Variants in SEC61A1 observed in about 807,000 individuals in gnomAD.
SEC61A1 encodes the protein protein transport protein Sec61 subunit alpha isoform 1.
In SEC61A1, 15 loss-of-function variants were observed where a neutral mutation model predicts 55.2. The ratio of observed to expected loss-of-function variants is 0.27; its 90% CI spans 0.18 to 0.42. SEC61A1 has a LOEUF of 0.42. Ranked by LOEUF, SEC61A1 falls within the 10% of genes least tolerant of loss-of-function variation. SEC61A1 has a pLI of 1.00. For synonymous variants in SEC61A1, 247 were observed against 234.0 expected (o/e 1.06, Z -0.51); for missense variants, 284 against 602.6 (o/e 0.47, Z 5.53).
At chr3:128,055,871 G>T in intron 4 of SEC61A1, 120 bp downstream of exon 4, 2 of 793,578 alleles carry the variant, frequency 2.5e-6, no homozygotes, top group Non-Finnish European at 4.2e-6. Flanking sequence ...ATAGAGTGAA[G>T]AATGTTAAAG....
chr3:128,068,068 T>G lies in SEC61A1; in HGVS notation c.1244+9T>G, dbSNP rs1942038835. 6.2e-7 allele frequency: 1 copy of G among 1,610,992 alleles called. No individual in the cohort carries two copies. Among genetic ancestry groups the G allele is most frequent in the Admixed American group, 1.7e-5 (1 of 59,876 alleles). On this transcript the variant is annotated intron_variant, in intron 11 of 11. Coordinates refer to ENST00000243253, the MANE Select transcript of SEC61A1 (RefSeq NM_013336.4). ...GTCCATGAACTCAACCGGTGAGTGG[T>G]GGCCCCAGGTCCCCAACCTCCCGTC... is the stretch of plus-strand genomic sequence containing the variant.
At chr3:128,052,648 C>G in intron 1 of SEC61A1, 89 bp downstream of exon 1, 1 of 1,548,740 alleles carries the variant, frequency 6.5e-7, no homozygotes, top group Non-Finnish European at 8.7e-7. Flanking sequence ...GCCGGCCAAC[C>G]CTGACCGGCC....
Position 128,055,684 on chromosome 3 carries a change from T to C in SEC61A1, c.153T>C (p.Phe51=). 1 of 1,614,186 alleles carries C rather than the reference T, an allele frequency of 6.2e-7. No homozygotes were observed. Among genetic ancestry groups the C allele is most frequent in the Non-Finnish European group, 8.5e-7 (1 of 1,180,006 alleles). Residue 51 remains phenylalanine (F), a synonymous_variant, in exon 4 of 12, where the codon TTT becomes TTC. Transcript: ENST00000243253. ...TTGCCTGTTCCCAGATTCCCCTGTTTGGGATCATGTCTTCAGATTCAGCTG... is the reference window on the plus strand; with the variant it reads ...TTGCCTGTTCCCAGATTCCCCTGTTCGGGATCATGTCTTCAGATTCAGCTG... ...IFLVCCQIPL[F]GIMSSDSADP...
intron 5 of SEC61A1, among the ~76,000 whole-genome samples, chr3:128,058,200 T>A (rs28625469): frequency 8.7e-6 from 1 of 114,848 alleles, no homozygotes; most frequent in African/African-American, 3.6e-5. Flanking sequence ...GAAATACGTC[T>A]ATTTTTTTTT....
Position 128,052,458 on chromosome 3 carries a change from G to C in SEC61A1, c.-95G>C. The C allele has an allele frequency of 1.3e-6, 2 of 1,506,408 alleles. No homozygotes were observed. Among genetic ancestry groups the C allele is most frequent in the Middle Eastern group, 2.0e-4 (1 of 4,938 alleles). 93.3% of individuals were successfully genotyped at this position (1,506,408 alleles called of 1,614,324 possible). ...CACTGACGTGTCTCTCGGCGGAGCT[G>C]CTGTGCAGTGGAACGCGCTGGGCCG... On this transcript the variant is annotated 5_prime_UTR_variant, in exon 1 of 12. Coordinates refer to ENST00000243253, the MANE Select transcript of SEC61A1 (RefSeq NM_013336.4).
Position 128,067,938 on chromosome 3 carries a change from C to G in SEC61A1, c.1168-45C>G. ...AGTACCACTTGGAATGCCTATTTCC[C>G]CTTCAGCCTCCAATTCCAACTTCTC... On this transcript the variant is annotated intron_variant, in intron 10 of 11. Transcript: ENST00000243253. The surrounding 1 kb of genome is among the most constrained non-coding windows in gnomAD (Gnocchi z 4.1). 6.6e-7 allele frequency: 1 copy of G among 1,505,294 alleles called. No individual in the cohort carries two copies. Among genetic ancestry groups the G allele is most frequent in the Non-Finnish European group, 9.2e-7 (1 of 1,081,238 alleles). The allele number at this position is 1,505,294 out of a possible 1,614,324, so 93.2% of individuals were successfully genotyped here.
In SEC61A1 at chr3:128,052,770, C is replaced by G. The variant is rs868387998; in HGVS notation, c.8-65C>G. The G allele has an allele frequency of 2.6e-6, 4 of 1,547,398 alleles. No homozygotes were observed. In the East Asian group the frequency reaches 6.7e-5, roughly 26 times the overall value. On this transcript the variant is annotated intron_variant, in intron 1 of 11. Transcript: ENST00000243253. The stretch of plus-strand genomic sequence containing the variant: ...CACTCGTCGTGGGCAGAAGGCGTCC[C>G]TGGGTAGCGCGGAAGGTTACTTCTC...
rs567510012 is a variant in SEC61A1, at chr3:128,070,590, A to T, written c.*928A>T. 1 of 152,394 alleles carries T rather than the reference A, an allele frequency of 6.6e-6. No homozygotes were observed. The highest frequency in any genetic ancestry group is 6.5e-5 in the Admixed American group (1 of 15,310). The allele number at this position is 152,394 out of a possible 1,614,324, so 9.4% of individuals were successfully genotyped here. The stretch of plus-strand genomic sequence containing the variant: ...ACACCTTCTGGGCTGAAGATCACCC[A>T]GCTGTGTTCAGAATTTTCTTACTGT... On this transcript the variant is annotated 3_prime_UTR_variant, in exon 12 of 12. Coordinates refer to ENST00000243253, the MANE Select transcript of SEC61A1 (RefSeq NM_013336.4).
rs546052286 is a variant in SEC61A1 at position 128,068,092 on chromosome 3, T to A, written c.1244+33T>A. 6 of 1,555,736 alleles carry A rather than the reference T, an allele frequency of 3.9e-6. No homozygotes were observed. The Admixed American group carries it at 8.4e-5, about 22-fold the overall frequency. ...GTGGCCCCAGGTCCCCAACCTCCCG[T>A]CTGTGGACATGTGTTGTTTCTTTCC... On this transcript the variant is annotated intron_variant, in intron 11 of 11. Coordinates refer to ENST00000243253, the MANE Select transcript of SEC61A1 (RefSeq NM_013336.4).
rs1427900667 is a variant in SEC61A1, at chr3:128,069,512, C to T, written c.1281C>T (p.Cys427=). ...CAGCCGCGGCCTTTGGTGGGCTGTG[C>T]ATCGGGGCCCTCTCGGTCCTGGCTG... The part of the protein sequence containing the change: ...IPTAAAFGGL[C]IGALSVLADF... The change falls in exon 12 of 12, where the codon TGC becomes TGT. Residue 427 remains cysteine, a synonymous_variant. Transcript: ENST00000243253. 1.9e-6 allele frequency: 3 copies of T among 1,613,492 alleles called. No individual in the cohort carries two copies. Among genetic ancestry groups the T allele is most frequent in the Non-Finnish European group, 2.5e-6 (3 of 1,180,018 alleles).
intron 7 of SEC61A1, among the ~76,000 whole-genome samples, chr3:128,064,303 C>T (rs1941897716): frequency 6.9e-6 from 1 of 145,160 alleles, no homozygotes; most frequent in South Asian, 2.1e-4. Flanking sequence ...CCTCTGGTGG[C>T]CACTGACTCA....
In SEC61A1 at chr3:128,065,066, TC is replaced by T. The variant is rs763784314; in HGVS notation, c.777+31del. On this transcript the variant is annotated intron_variant, in intron 8 of 11. Transcript: ENST00000243253. ...TGTCCAGATCCAACCCCAGGGAGTTTCCATGGTCTGGATTTAAGTTTCAGAA... is the reference window on the plus strand; with the variant it reads ...TGTCCAGATCCAACCCCAGGGAGTTTCATGGTCTGGATTTAAGTTTCAGAA... The T allele has an allele frequency of 3.7e-5, 60 of 1,612,374 alleles. 1 individual carries two copies. The highest frequency in any genetic ancestry group is 4.8e-5 in the Non-Finnish European group (57 of 1,178,462).
At chr3:128,064,071 T>C (rs1417907512) in intron 7 of SEC61A1, among the ~76,000 whole-genome samples, 1 of 152,208 alleles carries the variant, frequency 6.6e-6, no homozygotes, top group Non-Finnish European at 1.5e-5. Context: ...GCATATCCTC[T>C]GTACTTGTAT....
chr3:128,055,357 T>TG (rs1162825102), intron 2 of SEC61A1, among the ~76,000 whole-genome samples, 159 bp from the exon 3 acceptor site: 10 of 152,234 alleles, frequency 6.6e-5, no homozygotes, highest in African/African-American at 2.4e-4. Flanking sequence ...ACGCAGTACA[T>TG]GGTACTTATG....
chr3:128,059,093 C>T (rs763391860), intron 5 of SEC61A1, among the ~76,000 whole-genome samples: 3 of 152,158 alleles, frequency 2.0e-5, no homozygotes, highest in Non-Finnish European at 2.9e-5. Context: ...GAGGACCCAT[C>T]TAGTACTGTG....
chr3:128,053,896 A>G (rs1941729678), intron 2 of SEC61A1, among the ~76,000 whole-genome samples: 2 of 147,352 alleles, frequency 1.4e-5, no homozygotes, highest in African/African-American at 5.4e-5. Flanking sequence ...GGGAGACATG[A>G]TGTCTTATGG....
chr3:128,052,046 T>G (rs1443111099), upstream of SEC61A1: 1 of 730,834 alleles, frequency 1.4e-6, no homozygotes, highest in Non-Finnish European at 2.3e-6. Flanking sequence ...CAAAGAGCAG[T>G]GAGTGCTGTT....
Position 128,068,009 on chromosome 3 carries a change from G to T in SEC61A1, c.1194G>T (p.Gln398His). The change falls in exon 11 of 12, where the codon CAG becomes CAT. Residue 398 changes from glutamine to histidine, a missense_variant. Gln to His is a conservative substitution (Grantham distance 24). Coordinates refer to ENST00000243253, the MANE Select transcript of SEC61A1 (RefSeq NM_013336.4). ...KDVAKQLKEQQMVMRGHRETS... is the reference protein window; with the variant it reads ...KDVAKQLKEQHMVMRGHRETS... ...TTGCAAAGCAGCTGAAGGAGCAGCAGATGGTGATGAGAGGCCACCGAGAGA... is the reference window on the plus strand; with the variant it reads ...TTGCAAAGCAGCTGAAGGAGCAGCATATGGTGATGAGAGGCCACCGAGAGA... The T allele has an allele frequency of 6.2e-7, 1 of 1,612,058 alleles. No individual in the cohort carries two copies. Among genetic ancestry groups the T allele is most frequent in the Non-Finnish European group, 8.5e-7 (1 of 1,179,178 alleles).
At chr3:128,056,937 A>ATT (rs1233048203) in intron 5 of SEC61A1, 97 bp downstream of exon 5, 176 of 850,124 alleles carry the variant, frequency 2.1e-4, no homozygotes, top group Non-Finnish European at 2.5e-4. Flanking sequence ...TTTATTTTTT[A>ATT]TTTTTTTTTT....
Sources: gnomAD v4.1 joint callset for allele counts (sites outside exome capture counted in the v4.1 genomes callset) on GRCh38, gnomAD v4.1.1 for gene constraint, Gnocchi (gnomAD v3.1) non-coding constraint, MANE v1.5 for transcripts, NCBI Gene and HGNC (gene_info 2026-07-23, HGNC 2026-07-21) for gene names.